GREM2: variants seen among roughly 807,000 people sequenced by gnomAD.
The protein encoded by GREM2 is gremlin 2, DAN family BMP antagonist.
Under a neutral mutation model 14.2 loss-of-function variants are expected in GREM2, and 11 were observed. That is an observed-to-expected ratio of 0.78 (90% CI 0.49 to 1.28). The LOEUF (loss-of-function observed/expected upper bound fraction) is 1.28, where lower values mean the gene tolerates loss of function less well. GREM2 is among the 50% of genes most tolerant of loss of function. The pLI is 0.00. For missense variants in GREM2, 210 were observed against 218.5 expected, an observed-to-expected ratio of 0.96 and a Z score of 0.24; for synonymous variants, 98 against 97.6, an observed-to-expected ratio of 1.00 and a Z score of -0.02.
At chr1:240,558,368 C>G (rs1467292760) in intron 1 of GREM2, among the ~76,000 whole-genome samples, 1 of 151,090 alleles carries the variant, frequency 6.6e-6, no homozygotes, top group Non-Finnish European at 1.5e-5. Context: ...AAATTTGCCT[C>G]AAAACTATGC....
intron 1 of GREM2, among the ~76,000 whole-genome samples, chr1:240,506,663 C>T (rs1677682582): frequency 6.6e-6 from 1 of 152,176 alleles, no homozygotes; most frequent in African/African-American, 2.4e-5. Flanking sequence ...TGAGGCTATG[C>T]TAGGCAGCAC....
chr1:240,499,565 C>G (rs753602073), intron 1 of GREM2, among the ~76,000 whole-genome samples: 2 of 152,198 alleles, frequency 1.3e-5, no homozygotes, highest in Non-Finnish European at 2.9e-5. Context: ...CTACTAAAGG[C>G]ACTTCATCGA....
chr1:240,510,169 A>T (rs1677778218), intron 1 of GREM2, among the ~76,000 whole-genome samples: 2 of 151,966 alleles, frequency 1.3e-5, no homozygotes, highest in South Asian at 4.1e-4. Context: ...GGAGATTGGG[A>T]CCATCCTGGC....
intron 1 of GREM2, among the ~76,000 whole-genome samples, chr1:240,536,743 G>A (rs187593782): frequency 6.8e-4 from 100 of 148,024 alleles, no homozygotes; most frequent in Admixed American, 8.6e-4. Context: ...AAATGGCAGT[G>A]GGGGCTGTAG....
chr1:240,510,331 C>T (rs1346653868), intron 1 of GREM2, among the ~76,000 whole-genome samples: 3 of 134,468 alleles, frequency 2.2e-5, no homozygotes, highest in Admixed American at 8.6e-5. Context: ...GATCGCGCCA[C>T]TGCACTCCAG....
intron 1 of GREM2, among the ~76,000 whole-genome samples, chr1:240,544,305 G>A (rs533205568): frequency 7.9e-5 from 12 of 152,096 alleles, no homozygotes; most frequent in South Asian, 6.2e-4. Context: ...CTGCCACCAC[G>A]CCTGGCTAAT....
chr1:240,590,416 T>G lies in GREM2; in HGVS notation c.-2+21468A>C, dbSNP rs1421855302. Among the ~76,000 whole-genome samples the G allele has an allele frequency of 2.0e-5, 3 of 146,580 alleles. No homozygotes were observed. In the East Asian group the frequency reaches 6.3e-4, roughly 31 times the overall value. On this transcript the variant is annotated intron_variant, in intron 1 of 1. Transcript: ENST00000318160. ...TTTATGGGTTTGAGGATTTTTTTAC[T>G]TTTTCTTTTTCTTTCTTTTTTTTTT...
chr1:240,571,008 C>A (rs750198200), intron 1 of GREM2, among the ~76,000 whole-genome samples: 2 of 152,096 alleles, frequency 1.3e-5, no homozygotes, highest in Non-Finnish European at 2.9e-5. Flanking sequence ...CATAATATTT[C>A]AACATTTGGA....
intron 1 of GREM2, among the ~76,000 whole-genome samples, chr1:240,503,751 TC>T: frequency 6.6e-6 from 1 of 152,336 alleles, no homozygotes; most frequent in Non-Finnish European, 1.5e-5. Flanking sequence ...AAATGCTGTT[TC>T]CTTTGTGAAA....
chr1:240,563,117 A>T (rs541368067), intron 1 of GREM2, among the ~76,000 whole-genome samples: 1 of 134,126 alleles, frequency 7.5e-6, no homozygotes, highest in Non-Finnish European at 1.6e-5. Flanking sequence ...ATGTGTGTAT[A>T]TGTGAGTGTG....
chr1:240,556,627 G>C (rs975001165), intron 1 of GREM2, among the ~76,000 whole-genome samples: 8 of 151,946 alleles, frequency 5.3e-5, no homozygotes, highest in African/African-American at 1.7e-4. Context: ...AATCTCATAA[G>C]AGATAAGAAA....
chr1:240,504,334 G>A (rs1207709901), intron 1 of GREM2, among the ~76,000 whole-genome samples: 3 of 152,078 alleles, frequency 2.0e-5, no homozygotes, highest in Admixed American at 6.5e-5. Context: ...AGCAATTCTG[G>A]GTAACTGGTC....
intron 1 of GREM2, among the ~76,000 whole-genome samples, chr1:240,519,516 C>T (rs543655201): frequency 4.1e-4 from 63 of 152,198 alleles, no homozygotes; most frequent in African/African-American, 1.5e-3. Context: ...TATTTTTGGA[C>T]TCTTGGTCAA....
intron 1 of GREM2, among the ~76,000 whole-genome samples, chr1:240,495,490 T>C (rs1033779240): frequency 1.3e-5 from 2 of 152,240 alleles, no homozygotes; most frequent in Admixed American, 1.3e-4. Flanking sequence ...ATGCTAATGG[T>C]AATAGCAAAT....
chr1:240,534,851 C>T (rs567169946), intron 1 of GREM2, among the ~76,000 whole-genome samples: 2 of 152,146 alleles, frequency 1.3e-5, no homozygotes, highest in Non-Finnish European at 2.9e-5. Flanking sequence ...GAAGAAGGGA[C>T]AGAAACATGT....
chr1:240,521,642 G>T (rs532820888), intron 1 of GREM2, among the ~76,000 whole-genome samples: 39 of 152,194 alleles, frequency 2.6e-4, no homozygotes, highest in Middle Eastern at 3.4e-3. Flanking sequence ...ATGGGGAAAT[G>T]GCAGGTGAAA....
chr1:240,560,035 C>A (rs1292414631), intron 1 of GREM2, among the ~76,000 whole-genome samples: 2 of 152,136 alleles, frequency 1.3e-5, no homozygotes, highest in Middle Eastern at 3.2e-3. Context: ...GTGGTCCCAG[C>A]TACTTAAGAG....
At chr1:240,598,926 C>T (rs989219705) in intron 1 of GREM2, among the ~76,000 whole-genome samples, 4 of 145,586 alleles carry the variant, frequency 2.7e-5, no homozygotes, top group Non-Finnish European at 6.2e-5. Flanking sequence ...TATCCATTCA[C>T]TTACCCACCC....
chr1:240,602,772 G>T (rs562152615), intron 1 of GREM2, among the ~76,000 whole-genome samples: 1 of 149,652 alleles, frequency 6.7e-6, no homozygotes, highest in Admixed American at 6.8e-5. Flanking sequence ...CTGAGATCCC[G>T]CCACTGCACT....
Sources: gnomAD v4.1 joint callset for allele counts (sites outside exome capture counted in the v4.1 genomes callset) on GRCh38, gnomAD v4.1.1 for gene constraint, MANE v1.5 for transcripts, NCBI Gene and HGNC (gene_info 2026-07-23, HGNC 2026-07-21) for gene names.